Variants in EPHA3 observed in about 807,000 individuals in gnomAD.
EPHA3 encodes the protein ephrin type-A receptor 3.
In EPHA3, 42 loss-of-function variants were observed where a neutral mutation model predicts 107.1. The ratio of observed to expected loss-of-function variants is 0.39; its 90% CI spans 0.31 to 0.51. The LOEUF is 0.51. Among genes scored for constraint, EPHA3 ranks in the 20% least tolerant of loss-of-function variants. The pLI is 0.78. For synonymous variants in EPHA3, 461 were observed against 424.8 expected (o/e 1.09, Z -1.05); for missense variants, 1,183 against 1,211.2 (o/e 0.98, Z 0.35).
At chr3:89,341,725 C>T (rs116667804) in intron 4 of EPHA3, 30 bp from the exon 5 acceptor site, 31,633 of 1,524,422 alleles carry the variant, frequency 0.021, 447 homozygotes, top group Middle Eastern at 0.056. Flanking sequence ...AGAAGTGAGG[C>T]TCATTAATCT....
intron 13 of EPHA3, among the ~76,000 whole-genome samples, chr3:89,440,490 T>C (rs1007229935): frequency 6.6e-6 from 1 of 152,160 alleles, no homozygotes; most frequent in African/African-American, 2.4e-5. Flanking sequence ...ATTTCAGCAA[T>C]TACACTCCTT....
chr3:89,325,220 C>T (rs1707138905), intron 3 of EPHA3, among the ~76,000 whole-genome samples: 1 of 152,132 alleles, frequency 6.6e-6, no homozygotes, highest in African/African-American at 2.4e-5. Context: ...TTGCACTCTG[C>T]ATCATCTAAA....
chr3:89,219,686 A>ATTT (rs1704304456), intron 3 of EPHA3, among the ~76,000 whole-genome samples: 4 of 38,848 alleles, frequency 1.0e-4, no homozygotes, highest in Non-Finnish European at 2.5e-4. Context: ...GCATTTGGCA[A>ATTT]TGTTTTTTTT....
At chr3:89,448,862 G>A (rs1033784517) in intron 13 of EPHA3, among the ~76,000 whole-genome samples, 10 of 152,000 alleles carry the variant, frequency 6.6e-5, no homozygotes, top group African/African-American at 2.4e-4. Flanking sequence ...ATCAATAAAA[G>A]TTGATTTGTG....
At chr3:89,401,143 A>G (rs866244920) in intron 7 of EPHA3, among the ~76,000 whole-genome samples, 2 of 152,230 alleles carry the variant, frequency 1.3e-5, no homozygotes, top group Non-Finnish European at 2.9e-5. Flanking sequence ...CTAGTTATAT[A>G]GTATTTATTC....
chr3:89,186,276 C>A (rs140112221), intron 2 of EPHA3, among the ~76,000 whole-genome samples: 13 of 151,988 alleles, frequency 8.6e-5, no homozygotes, highest in Non-Finnish European at 1.5e-4. Context: ...ACCTAACACC[C>A]TTTACCTTGT....
rs549137956 is a variant in EPHA3, at chr3:89,367,259, T to C, written c.1306+25169T>C. 1.1e-4 allele frequency among the ~76,000 whole-genome samples: 16 copies of C among 150,916 alleles called. No homozygotes were observed. In the South Asian group the frequency reaches 3.3e-3, roughly 31 times the overall value. On this transcript the variant is annotated intron_variant, in intron 5 of 16. Transcript: ENST00000336596. ...CTTTTAAAATCTATTTATATACACG[T>C]ATGGAAATTTCAACTATTTCCCTTC... is the stretch of plus-strand genomic sequence containing the variant.
chr3:89,325,945 T>C (rs943794865), intron 3 of EPHA3, among the ~76,000 whole-genome samples: 1 of 151,112 alleles, frequency 6.6e-6, no homozygotes, highest in African/African-American at 2.4e-5. Context: ...ATATTAAGAA[T>C]TTTTAAAAAT....
In EPHA3 at chr3:89,277,851, A is replaced by T. The variant is rs191984949; in HGVS notation, c.815-63065A>T. Among the ~76,000 whole-genome samples the T allele has an allele frequency of 5.7e-3, 870 of 152,254 alleles. 10 individuals carry two copies. Among genetic ancestry groups the T allele is most frequent in the Non-Finnish European group, 7.7e-3 (521 of 68,024 alleles). On this transcript the variant is annotated intron_variant, in intron 3 of 16. Transcript: ENST00000336596. ...TTGTTCTGTTTTCTCCTTTTTAAAC[A>T]TCTTTCACACAATGATTCTCTTTTG... is the stretch of plus-strand genomic sequence containing the variant.
At chr3:89,185,645 G>T (rs550606472) in intron 2 of EPHA3, among the ~76,000 whole-genome samples, 47 of 152,142 alleles carry the variant, frequency 3.1e-4, no homozygotes, top group Admixed American at 7.9e-4. Context: ...AATGTGTTTT[G>T]TTCCTTCAGT....
At chr3:89,313,084 C>A (rs1706805212) in intron 3 of EPHA3, among the ~76,000 whole-genome samples, 1 of 151,772 alleles carries the variant, frequency 6.6e-6, no homozygotes, top group Non-Finnish European at 1.5e-5. Flanking sequence ...TATTTGTATT[C>A]CTTTGGGTAT....
intron 15 of EPHA3, among the ~76,000 whole-genome samples, chr3:89,469,324 C>T (rs1710355661): frequency 1.3e-5 from 2 of 152,102 alleles, no homozygotes; most frequent in South Asian, 4.1e-4. Context: ...TAAATAGAGT[C>T]AGAACCAATG....
chr3:89,332,341 A>C (rs773557454), intron 3 of EPHA3, among the ~76,000 whole-genome samples: 6 of 152,202 alleles, frequency 3.9e-5, no homozygotes, highest in Non-Finnish European at 8.8e-5. Flanking sequence ...CTGATGCAAT[A>C]ACAACAAACA....
At chr3:89,455,491 G>C (rs1255909405) in intron 15 of EPHA3, among the ~76,000 whole-genome samples, 2 of 152,148 alleles carry the variant, frequency 1.3e-5, no homozygotes, top group Non-Finnish European at 2.9e-5. Context: ...GCCATGGTGA[G>C]GACTTTGAAA....
At chr3:89,388,168 T>A (rs114142897) in intron 5 of EPHA3, among the ~76,000 whole-genome samples, 2,428 of 152,320 alleles carry the variant, frequency 0.016, 66 homozygotes, top group African/African-American at 0.055. Context: ...TTTTAATTTT[T>A]TTATTTTAAT....
At chr3:89,202,445 C>T (rs534393106) in intron 2 of EPHA3, among the ~76,000 whole-genome samples, 22 of 147,942 alleles carry the variant, frequency 1.5e-4, no homozygotes, top group Admixed American at 9.5e-4. Flanking sequence ...GAACCCAGGA[C>T]GTGGAGGTTG....
At chr3:89,162,585 G>C (rs1704975899) in intron 2 of EPHA3, among the ~76,000 whole-genome samples, 1 of 152,080 alleles carries the variant, frequency 6.6e-6, no homozygotes, top group Admixed American at 6.6e-5. Context: ...CTGTAGGAAG[G>C]CATTTTGTAT....
chr3:89,431,335 C>A lies in EPHA3; in HGVS notation c.2322C>A (p.Asp774Glu). Reference sequence around the variant, plus strand: ...GACTTTCGCGTGTCCTGGAGGATGACCCAGAAGCTGCTTATACAACAAGAG... The same window carrying A: ...GACTTTCGCGTGTCCTGGAGGATGAACCAGAAGCTGCTTATACAACAAGAG... ...DFGLSRVLED[D>E]PEAAYTTRGG... The change falls in exon 13 of 17, where the codon GAC (aspartate) becomes GAA (glutamate). Residue 774 changes from aspartate to glutamate, a missense_variant. Physicochemically the swap from Asp to Glu is conservative, Grantham distance 45. Coordinates refer to ENST00000336596, the MANE Select transcript of EPHA3 (RefSeq NM_005233.6). 1 of 1,613,496 alleles carries A rather than the reference C, an allele frequency of 6.2e-7. No individual in the cohort carries two copies. The highest frequency in any genetic ancestry group is 8.5e-7 in the Non-Finnish European group (1 of 1,179,852).
At chr3:89,119,175 G>A (rs13323078) in intron 1 of EPHA3, among the ~76,000 whole-genome samples, 19,148 of 151,956 alleles carry the variant, frequency 0.13, 1,176 homozygotes, top group Admixed American at 0.15. Context: ...TTCTTGTTAA[G>A]CACATACCGA....
Sources: allele counts gnomAD v4.1 joint callset (sites outside exome capture counted in the v4.1 genomes callset), GRCh38; gene constraint gnomAD v4.1.1; transcripts MANE v1.5; gene names NCBI Gene and HGNC (gene_info 2026-07-23, HGNC 2026-07-21).